Variants in NYAP2 observed in about 807,000 individuals in gnomAD.
The protein encoded by NYAP2 is neuronal tyrosine-phosphorylated phosphoinositide-3-kinase adaptor 2, also known as neuronal tyrosine-phosphorylated phosphoinositide-3-kinase adapter 2.
In NYAP2, 23 loss-of-function variants were observed where a neutral mutation model predicts 50.4. The observed-to-expected ratio is 0.46, with a 90% confidence interval of 0.33 to 0.65. NYAP2 has a LOEUF of 0.65. Among genes scored for constraint, NYAP2 ranks in the 30% least tolerant of loss-of-function variants. NYAP2 has a pLI of 0.02. For synonymous variants in NYAP2, 394 were observed against 365.2 expected, an observed-to-expected ratio of 1.08 and a Z score of -0.90; for missense variants, 885 against 861.0, an observed-to-expected ratio of 1.03 and a Z score of -0.35.
intron 3 of NYAP2, among the ~76,000 whole-genome samples, chr2:225,417,524 AG>A (rs1018136579): frequency 6.6e-6 from 1 of 152,202 alleles, no homozygotes; most frequent in African/African-American, 2.4e-5. Context: ...GCAGAAAAAA[AG>A]ATCACTTAAA....
intron 3 of NYAP2, among the ~76,000 whole-genome samples, chr2:225,501,381 AT>A (rs538033345): frequency 2.6e-4 from 39 of 152,352 alleles, no homozygotes; most frequent in Middle Eastern, 3.4e-3. Flanking sequence ...TAATCCAGGG[AT>A]TTGTTAAATA....
the NYAP2 span, among the ~76,000 whole-genome samples, chr2:225,690,145 G>T: frequency 2.0e-5 from 3 of 152,060 alleles, no homozygotes; most frequent in Non-Finnish European, 2.9e-5. Flanking sequence ...AAACCCACAT[G>T]AATTATCTGA....
intron 5 of NYAP2, among the ~76,000 whole-genome samples, chr2:225,620,244 A>G (rs1179353041): frequency 1.3e-5 from 2 of 152,224 alleles, no homozygotes; most frequent in Non-Finnish European, 2.9e-5. Flanking sequence ...TTTACATATT[A>G]TATATTACAA....
chr2:225,529,533 C>T (rs1347995823), intron 4 of NYAP2, among the ~76,000 whole-genome samples: 2 of 152,032 alleles, frequency 1.3e-5, no homozygotes, highest in East Asian at 1.9e-4. Flanking sequence ...CCATGTTGGA[C>T]AGGGTAGTCT....
intron 2 of NYAP2, among the ~76,000 whole-genome samples, chr2:225,407,166 G>A (rs977420053): frequency 3.3e-5 from 5 of 151,988 alleles, no homozygotes; most frequent in Admixed American, 3.3e-4. Flanking sequence ...TCCTGACAAT[G>A]GCAATGCTTT....
intron 3 of NYAP2, among the ~76,000 whole-genome samples, chr2:225,451,167 C>G (rs1689644046): frequency 2.0e-5 from 3 of 152,104 alleles, no homozygotes; most frequent in Admixed American, 6.6e-5. Flanking sequence ...AGGGAAGGAA[C>G]AGGTGAACAA....
chr2:225,661,854 G>A, the NYAP2 span, among the ~76,000 whole-genome samples: 1 of 151,802 alleles, frequency 6.6e-6, no homozygotes, highest in African/African-American at 2.4e-5. Context: ...CTCCCAAGTA[G>A]TTGGGATTAC....
At chr2:225,475,859 A>G (rs1468289502) in intron 3 of NYAP2, among the ~76,000 whole-genome samples, 1 of 152,212 alleles carries the variant, frequency 6.6e-6, no homozygotes, top group Non-Finnish European at 1.5e-5. Flanking sequence ...CTCTGGCAGT[A>G]GTGGTTCTGG....
intron 3 of NYAP2, among the ~76,000 whole-genome samples, chr2:225,437,516 A>T (rs1359011861): frequency 6.6e-6 from 1 of 152,166 alleles, no homozygotes; most frequent in African/African-American, 2.4e-5. Context: ...CTTGTAGATC[A>T]CAATTGTTTC....
chr2:225,553,039 C>A (rs1174241767), intron 4 of NYAP2, among the ~76,000 whole-genome samples: 1 of 152,156 alleles, frequency 6.6e-6, no homozygotes, highest in Non-Finnish European at 1.5e-5. Flanking sequence ...GTTATAGCAG[C>A]CAACACAGAC....
chr2:225,403,310 C>A (rs1694892414), intron 2 of NYAP2, among the ~76,000 whole-genome samples: 1 of 151,852 alleles, frequency 6.6e-6, no homozygotes, highest in Non-Finnish European at 1.5e-5. Context: ...AAGGTGGAGA[C>A]TAGAAAACTT....
At chr2:225,416,445 T>C (rs1025618987) in intron 3 of NYAP2, among the ~76,000 whole-genome samples, 1 of 152,096 alleles carries the variant, frequency 6.6e-6, no homozygotes, top group African/African-American at 2.4e-5. Flanking sequence ...CTTATACAGG[T>C]CAAAATGGCG....
chr2:225,690,835 T>C, the NYAP2 span, among the ~76,000 whole-genome samples: 1 of 152,118 alleles, frequency 6.6e-6, no homozygotes, highest in Non-Finnish European at 1.5e-5. Flanking sequence ...ATCAATACTC[T>C]TGATTTTGTT....
At position 225,498,535 on chromosome 2, in the gene NYAP2, G is replaced by A. The variant is rs1241863972; in HGVS notation, c.222-14836G>A. Reference sequence around the variant, plus strand: ...TTTGGGTAATCCTGAAGACTTTTAAGAGGAGGATTGATGTGATCCCATTTA... The same window carrying A: ...TTTGGGTAATCCTGAAGACTTTTAAAAGGAGGATTGATGTGATCCCATTTA... On this transcript the variant is annotated intron_variant, in intron 3 of 6. Coordinates refer to ENST00000636099, the Ensembl canonical transcript of NYAP2. Among the ~76,000 whole-genome samples, 4 of 151,758 alleles carry A rather than the reference G, an allele frequency of 2.6e-5. No homozygotes were observed. In the East Asian group the frequency reaches 7.8e-4, roughly 30 times the overall value.
At chr2:225,568,388 C>T (rs1692000458) in intron 4 of NYAP2, among the ~76,000 whole-genome samples, 1 of 152,118 alleles carries the variant, frequency 6.6e-6, no homozygotes, top group South Asian at 2.1e-4. Context: ...CACCACTCTC[C>T]TTTTATTTAT....
intron 5 of NYAP2, among the ~76,000 whole-genome samples, chr2:225,602,185 T>C (rs1660830399): frequency 6.6e-6 from 1 of 152,324 alleles, no homozygotes; most frequent in African/African-American, 2.4e-5. Flanking sequence ...CTATGGGCCA[T>C]CTTGGAGGAC....
chr2:225,506,149 T>A (rs1559198525), intron 3 of NYAP2, among the ~76,000 whole-genome samples: 1 of 152,228 alleles, frequency 6.6e-6, no homozygotes, highest in Admixed American at 6.5e-5. Flanking sequence ...GTCCACAATT[T>A]TTTTTAACTA....
At chr2:225,675,818 T>C in the NYAP2 span, among the ~76,000 whole-genome samples, 35 of 152,102 alleles carry the variant, frequency 2.3e-4, no homozygotes, top group Non-Finnish European at 4.1e-4. Context: ...AGTTTTGTGA[T>C]TTTTTAATAG....
At chr2:225,606,791 A>ATC (rs1359168355) in intron 5 of NYAP2, among the ~76,000 whole-genome samples, 6 of 152,142 alleles carry the variant, frequency 3.9e-5, no homozygotes, top group Admixed American at 3.9e-4. Flanking sequence ...TCTCTTGAAT[A>ATC]TCTCATAAAT....
Sources: gnomAD v4.1 joint callset for allele counts (sites outside exome capture counted in the v4.1 genomes callset) on GRCh38, gnomAD v4.1.1 for gene constraint, MANE v1.5 for transcripts, NCBI Gene and HGNC (gene_info 2026-07-23, HGNC 2026-07-21) for gene names.